The following ADGRL3 variants were observed in gnomAD, a reference collection of about 807,000 sequenced individuals.
ADGRL3 encodes the protein calcium-independent alpha-latrotoxin receptor 3.
ADGRL3 carries 62 observed loss-of-function variants against 153.5 expected under a neutral mutation model. That is an observed-to-expected ratio of 0.40 (90% CI 0.33 to 0.50). The LOEUF is 0.50. ADGRL3 is among the 20% of genes least tolerant of loss of function. The pLI is 0.47. For missense variants in ADGRL3, 1,641 were observed against 1,859.4 expected (o/e 0.88, Z 2.16); for synonymous variants, 710 against 672.5 (o/e 1.06, Z -0.86).
chr4:61,275,498 T>C (rs2093417448), intron 1 of ADGRL3, among the ~76,000 whole-genome samples: 1 of 152,216 alleles, frequency 6.6e-6, no homozygotes, highest in Admixed American at 6.5e-5. Context: ...CAACATACTA[T>C]CTGAAGATAA....
At chr4:61,762,823 G>A (rs2096928634) in intron 8 of ADGRL3, among the ~76,000 whole-genome samples, 1 of 151,912 alleles carries the variant, frequency 6.6e-6, no homozygotes, top group African/African-American at 2.4e-5. Context: ...CTATCATTCT[G>A]GTTTTACATC....
chr4:61,220,313 C>G (rs1475300343), intron 1 of ADGRL3, among the ~76,000 whole-genome samples: 1 of 151,970 alleles, frequency 6.6e-6, no homozygotes, highest in African/African-American at 2.4e-5. Context: ...AGGACAAGCT[C>G]TAATAACTTG....
chr4:62,033,164 A>G (rs984730813), intron 23 of ADGRL3, among the ~76,000 whole-genome samples: 2 of 151,764 alleles, frequency 1.3e-5, no homozygotes, highest in African/African-American at 2.4e-5. Flanking sequence ...CTATGATATT[A>G]TAGTCCTCTT....
intron 21 of ADGRL3, among the ~76,000 whole-genome samples, chr4:62,024,925 G>A (rs1198061841): frequency 2.5e-4 from 14 of 55,910 alleles, no homozygotes; most frequent in African/African-American, 5.6e-4. Flanking sequence ...GTGAGACTCC[G>A]TCTCAAAAAA....
intron 1 of ADGRL3, among the ~76,000 whole-genome samples, chr4:61,235,689 G>A (rs978490341): frequency 6.6e-6 from 1 of 152,114 alleles, no homozygotes; most frequent in African/African-American, 2.4e-5. Context: ...GCTACTATTG[G>A]CTAAGAACAT....
chr4:61,233,042 A>G (rs12511613), intron 1 of ADGRL3, among the ~76,000 whole-genome samples: 60,084 of 151,722 alleles, frequency 0.4, 12,973 homozygotes, highest in Middle Eastern at 0.53. Flanking sequence ...ATTTGTATAG[A>G]TTTATCAAAC....
intron 1 of ADGRL3, among the ~76,000 whole-genome samples, chr4:61,366,784 G>C (rs1294973217): frequency 6.6e-6 from 1 of 151,968 alleles, no homozygotes; most frequent in African/African-American, 2.4e-5. Context: ...GCTTATTATT[G>C]CTGTTGCTTT....
chr4:61,532,919 C>A (rs1270672038), intron 4 of ADGRL3, among the ~76,000 whole-genome samples: 1 of 151,982 alleles, frequency 6.6e-6, no homozygotes, highest in Non-Finnish European at 1.5e-5. Context: ...GAAATGAAAG[C>A]TCAGTTGGAA....
intron 5 of ADGRL3, among the ~76,000 whole-genome samples, chr4:61,598,964 A>G (rs1380233668): frequency 2.0e-5 from 3 of 152,212 alleles, no homozygotes; most frequent in Non-Finnish European, 4.4e-5. Context: ...TTTAGGGGCC[A>G]AGGGAAAACT....
chr4:61,465,244 A>G (rs2097864952), intron 2 of ADGRL3, among the ~76,000 whole-genome samples: 1 of 152,180 alleles, frequency 6.6e-6, no homozygotes, highest in Non-Finnish European at 1.5e-5. Flanking sequence ...AAATACAAGA[A>G]TATGCCCAAA....
At chr4:61,465,775 A>ATATATATATATATATATC (rs1457456010) in intron 2 of ADGRL3, among the ~76,000 whole-genome samples, 3 of 146,134 alleles carry the variant, frequency 2.1e-5, no homozygotes, top group Non-Finnish European at 4.5e-5. Flanking sequence ...ATATATATAT[A>ATATATATATATATATATC]TATCTTATAT....
intron 8 of ADGRL3, among the ~76,000 whole-genome samples, chr4:61,791,169 C>T (rs2097337239): frequency 6.6e-6 from 1 of 152,148 alleles, no homozygotes; most frequent in African/African-American, 2.4e-5. Flanking sequence ...CAAAAGTCCA[C>T]AGTCCAAAGT....
intron 1 of ADGRL3, among the ~76,000 whole-genome samples, chr4:61,318,523 A>G (rs2150703409): frequency 6.6e-6 from 1 of 152,282 alleles, no homozygotes; most frequent in South Asian, 2.1e-4. Context: ...GTGTAATATC[A>G]TTATAATTTC....
Position 61,946,916 on chromosome 4 carries a change from G to A in ADGRL3, c.2422G>A (p.Glu808Lys). ...ATCAGAGTTTGCATTTACTTTAGGA[G>A]AGATCAGAGTGGCCTTTGTCCTGTA... Reference protein sequence around the residue: ...NTLKQNGRNGEIRVAFVLYNN... With the variant: ...NTLKQNGRNGKIRVAFVLYNN... The change falls in exon 16 of 27, where the codon GAG (glutamate) becomes AAG (lysine). Residue 808 changes from glutamate to lysine, a missense_variant and splice_region_variant. By Grantham distance (56) the Glu-to-Lys change is moderately conservative. Around this residue, in one of 5 missense-constraint regions of ADGRL3, gnomAD observed 734 missense variants for 797.0 expected, o/e 0.92. Transcript: ENST00000683033. The A allele has an allele frequency of 6.2e-7, 1 of 1,612,624 alleles. No homozygotes were observed. Among genetic ancestry groups the A allele is most frequent in the Non-Finnish European group, 8.5e-7 (1 of 1,178,690 alleles).
intron 1 of ADGRL3, among the ~76,000 whole-genome samples, chr4:61,322,956 A>C (rs1049719996): frequency 6.6e-6 from 1 of 152,208 alleles, no homozygotes; most frequent in African/African-American, 2.4e-5. Context: ...CAGAGGTTCT[A>C]CATGAGGACC....
At chr4:61,358,551 C>T (rs540033795) in intron 1 of ADGRL3, among the ~76,000 whole-genome samples, 220 of 138,776 alleles carry the variant, frequency 1.6e-3, no homozygotes, top group Non-Finnish European at 2.6e-3. Context: ...GAGTGGAGAT[C>T]GTGCCACTGC....
intron 9 of ADGRL3, among the ~76,000 whole-genome samples, chr4:61,829,587 G>A (rs9790538): frequency 0.39 from 59,743 of 151,934 alleles, 12,652 homozygotes; most frequent in East Asian, 0.62. Context: ...AAAAAAAATA[G>A]AACTTCTCCC....
At chr4:61,642,648 T>A (rs2093738424) in intron 5 of ADGRL3, among the ~76,000 whole-genome samples, 2 of 152,286 alleles carry the variant, frequency 1.3e-5, no homozygotes, top group South Asian at 2.1e-4. Context: ...TTGATCTATA[T>A]CTCTATTTTG....
intron 5 of ADGRL3, among the ~76,000 whole-genome samples, chr4:61,663,437 T>C (rs1283869072): frequency 6.6e-6 from 1 of 152,230 alleles, no homozygotes; most frequent in Admixed American, 6.5e-5. Flanking sequence ...CCTGTGCTGC[T>C]GCCCAAAGGT....
Sources: allele counts gnomAD v4.1 joint callset (sites outside exome capture counted in the v4.1 genomes callset), GRCh38; gene constraint gnomAD v4.1.1; regional missense constraint gnomAD v4.1.1; transcripts MANE v1.5; gene names NCBI Gene and HGNC (gene_info 2026-07-23, HGNC 2026-07-21).